The following GFRAL variants were observed in gnomAD, a reference collection of about 807,000 sequenced individuals.
GFRAL encodes GDNF family receptor alpha like.
In GFRAL, 36 loss-of-function variants were observed where a neutral mutation model predicts 45.4. The ratio of observed to expected loss-of-function variants is 0.79; its 90% CI spans 0.61 to 1.05. GFRAL has a LOEUF of 1.05. Ranked by LOEUF, GFRAL falls within the 50% of genes least tolerant of loss-of-function variation. The pLI is 0.00. For missense variants in GFRAL, 507 were observed against 467.5 expected (o/e 1.08, Z -0.78); for synonymous variants, 166 against 154.1 (o/e 1.08, Z -0.57).
chr6:55,352,256 C>T (rs759092485), intron 5 of GFRAL, among the ~76,000 whole-genome samples: 24 of 152,118 alleles, frequency 1.6e-4, no homozygotes, highest in Non-Finnish European at 2.4e-4. Flanking sequence ...GCAAACCATA[C>T]ATAATAATAT....
intron 6 of GFRAL, among the ~76,000 whole-genome samples, chr6:55,361,403 A>T (rs1395261459): frequency 6.6e-6 from 1 of 152,066 alleles, no homozygotes; most frequent in Non-Finnish European, 1.5e-5. Context: ...ATATACTTTA[A>T]ATAATATCTA....
At chr6:55,345,432 A>G (rs892558508) in intron 3 of GFRAL, among the ~76,000 whole-genome samples, 1 of 152,228 alleles carries the variant, frequency 6.6e-6, no homozygotes, top group Non-Finnish European at 1.5e-5. Flanking sequence ...TGACAAAAAC[A>G]TGAAATCGGG....
At chr6:55,401,636 A>G (rs923482465) in intron 8 of GFRAL, among the ~76,000 whole-genome samples, 154 bp from the exon 9 acceptor site, 1 of 152,230 alleles carries the variant, frequency 6.6e-6, no homozygotes, top group African/African-American at 2.4e-5. Flanking sequence ...CCTAGAAAGA[A>G]AATATGATAT....
In GFRAL at chr6:55,395,175, A is replaced by AAAAAATATATATAT; in HGVS notation, c.953-4004_953-4003insAAAATATATATATA. ...AATCAGCCTATGGAAAAAAAAAAAA[A>AAAAAATATATATAT]ATATATATATATATATATAAGCCAG... On this transcript the variant is annotated intron_variant, in intron 6 of 8. Transcript: ENST00000340465. Among the ~76,000 whole-genome samples, 264 of 123,420 alleles carry AAAAAATATATATAT rather than the reference A, an allele frequency of 2.1e-3. 2 individuals carry two copies. The highest frequency in any genetic ancestry group is 8.7e-3 in the African/African-American group (251 of 28,882). The allele number at this position is 123,420 out of a possible 152,430, so 81.0% of individuals were successfully genotyped here. A position where few individuals can be genotyped will look rare whatever the true frequency, so the allele number is the denominator to read the frequency against.
In GFRAL at chr6:55,391,205, C is replaced by T. The variant is rs955061480; in HGVS notation, c.953-7975C>T. Among the ~76,000 whole-genome samples the T allele has an allele frequency of 9.2e-5, 14 of 152,074 alleles. No homozygotes were observed. The East Asian group carries it at 9.7e-4, about 11-fold the overall frequency. ...AGAGAGGGGAGACAGACTTAGTTCT[C>T]TCTTCTATTATTTTTTAATCTTTCA... On this transcript the variant is annotated intron_variant, in intron 6 of 8. Transcript: ENST00000340465.
intron 8 of GFRAL, 45 bp downstream of exon 8, chr6:55,399,486 T>G (rs774973224): frequency 2.4e-6 from 3 of 1,249,952 alleles, no homozygotes; most frequent in South Asian, 2.4e-5. Context: ...AGGGAGTCAC[T>G]TAGCTGTGTT....
chr6:55,349,960 T>A (rs1257307892), intron 3 of GFRAL, 132 bp from the exon 4 acceptor site: 2 of 659,974 alleles, frequency 3.0e-6, no homozygotes, highest in African/African-American at 3.7e-5. Flanking sequence ...GCTAAATACA[T>A]GTTACATAAC....
chr6:55,394,129 C>CCCAT (rs1768791349), intron 6 of GFRAL, among the ~76,000 whole-genome samples: 1 of 151,966 alleles, frequency 6.6e-6, no homozygotes, highest in Admixed American at 6.6e-5. Flanking sequence ...TATAGATGGG[C>CCCAT]CATTTCATTT....
intron 6 of GFRAL, among the ~76,000 whole-genome samples, chr6:55,397,248 G>GAGAA: frequency 3.6e-5 from 5 of 139,342 alleles, no homozygotes; most frequent in African/African-American, 5.6e-5. Flanking sequence ...GCCGGGCGCG[G>GAGAA]TGGCTCACGC....
chr6:55,348,189 C>A (rs1476307394), intron 3 of GFRAL, among the ~76,000 whole-genome samples: 1 of 151,740 alleles, frequency 6.6e-6, no homozygotes, highest in African/African-American at 2.4e-5. Flanking sequence ...ACCTTCAGCT[C>A]CTCTTTCAGT....
chr6:55,334,166 A>G (rs1478008543), intron 3 of GFRAL, among the ~76,000 whole-genome samples: 1 of 152,090 alleles, frequency 6.6e-6, no homozygotes, highest in East Asian at 1.9e-4. Flanking sequence ...GGGTTCTGTG[A>G]GCCATAGACC....
chr6:55,383,702 T>C (rs1212115207), intron 6 of GFRAL, among the ~76,000 whole-genome samples: 2 of 151,994 alleles, frequency 1.3e-5, no homozygotes, highest in Non-Finnish European at 2.9e-5. Context: ...CTACACATGA[T>C]TGTACATACC....
At position 55,351,519 on chromosome 6, in the gene GFRAL, A is replaced by G. The variant is rs770947546; in HGVS notation, c.637A>G (p.Asn213Asp). 11 of 1,612,334 alleles carry G rather than the reference A, an allele frequency of 6.8e-6. No individual in the cohort carries two copies. The highest frequency in any genetic ancestry group is 7.6e-6 in the Non-Finnish European group (9 of 1,178,662). Residue 213 changes from asparagine (N) to aspartate (D), a missense_variant, in exon 5 of 9, where the codon AAC becomes GAC. By Grantham distance (23) the Asn-to-Asp change is conservative. Coordinates refer to ENST00000340465, the MANE Select transcript of GFRAL (RefSeq NM_207410.2). ...TCTTCACAGCAAGACATGTGCAGTG[A>G]ACATGGTTCCACCCCCTACTTGCCT... ...EALHSKTCAVNMVPPPTCLSV... is the reference protein window; with the variant it reads ...EALHSKTCAVDMVPPPTCLSV...
chr6:55,373,748 C>CT (rs56959037), intron 6 of GFRAL, among the ~76,000 whole-genome samples: 32,292 of 148,482 alleles, frequency 0.22, 4,146 homozygotes, highest in African/African-American at 0.37. Flanking sequence ...TTTTCTTCAA[C>CT]TTTTTTTTTT....
chr6:55,370,811 C>T (rs775552972), intron 6 of GFRAL, among the ~76,000 whole-genome samples: 61 of 152,256 alleles, frequency 4.0e-4, no homozygotes, highest in Non-Finnish European at 7.9e-4. Flanking sequence ...CAGTCATTGT[C>T]GAAATTCTTA....
chr6:55,348,258 GTA>G (rs1554188067), intron 3 of GFRAL, among the ~76,000 whole-genome samples: 5 of 147,390 alleles, frequency 3.4e-5, no homozygotes, highest in Non-Finnish European at 6.0e-5. Flanking sequence ...GTGTGTGTGT[GTA>G]TGTGTAAATG....
intron 6 of GFRAL, among the ~76,000 whole-genome samples, chr6:55,386,542 A>G (rs1768684295): frequency 6.6e-6 from 1 of 152,118 alleles, no homozygotes; most frequent in Admixed American, 6.6e-5. Flanking sequence ...TTAAAATTAG[A>G]TTACTGAGAG....
intron 3 of GFRAL, among the ~76,000 whole-genome samples, chr6:55,342,398 A>C (rs7767117): frequency 0.5 from 75,171 of 151,022 alleles, 20,387 homozygotes; most frequent in Non-Finnish European, 0.63. Context: ...GAATTTTCAA[A>C]CCAGAATTTC....
chr6:55,367,262 A>C (rs1768377636), intron 6 of GFRAL, among the ~76,000 whole-genome samples: 2 of 128,846 alleles, frequency 1.6e-5, no homozygotes, highest in African/African-American at 6.6e-5. Context: ...TAGGATTGCA[A>C]CCCCTGCCTT....
Sources: gnomAD v4.1 joint callset for allele counts (sites outside exome capture counted in the v4.1 genomes callset) on GRCh38, gnomAD v4.1.1 for gene constraint, MANE v1.5 for transcripts, NCBI Gene and HGNC (gene_info 2026-07-23, HGNC 2026-07-21) for gene names.